TMEM175: variants seen among roughly 807,000 people sequenced by gnomAD.
The protein encoded by TMEM175 is endosomal/lysosomal proton channel TMEM175.
Under a neutral mutation model 36.5 loss-of-function variants are expected in TMEM175, and 36 were observed. The ratio of observed to expected loss-of-function variants is 0.99; its 90% CI spans 0.76 to 1.30. TMEM175 has a LOEUF of 1.30. Among genes scored for constraint, TMEM175 ranks in the 50% most tolerant of loss-of-function variants. The pLI is 0.00. For synonymous variants in TMEM175, 339 were observed against 313.4 expected (o/e 1.08, Z -0.86); for missense variants, 705 against 692.8 (o/e 1.02, Z -0.20).
rs892554619 is a variant in TMEM175 at position 939,816 on chromosome 4, A to G, written c.-32+7276A>G. 2.6e-5 allele frequency among the ~76,000 whole-genome samples: 4 copies of G among 152,242 alleles called. No individual in the cohort carries two copies. In the East Asian group the frequency reaches 7.7e-4, roughly 29 times the overall value. On this transcript the variant is annotated intron_variant, in intron 1 of 10. Coordinates refer to ENST00000264771, the MANE Select transcript of TMEM175 (RefSeq NM_032326.4). ...TGTGAGATCTAAAACTATAAAACTCATGGAAGAAAATGTGTGAAATGTTCT... is the reference window on the plus strand; with the variant it reads ...TGTGAGATCTAAAACTATAAAACTCGTGGAAGAAAATGTGTGAAATGTTCT...
intron 3 of TMEM175, among the ~76,000 whole-genome samples, chr4:949,240 G>A (rs1728567242): frequency 6.6e-6 from 1 of 152,230 alleles, no homozygotes; most frequent in Non-Finnish European, 1.5e-5. Context: ...GGCCCGGGTG[G>A]TTGAAAATAA....
At chr4:953,155 T>G (rs1012119432) in intron 7 of TMEM175, 35 bp from the exon 8 acceptor site, 39 of 1,566,464 alleles carry the variant, frequency 2.5e-5, no homozygotes, top group Non-Finnish European at 3.2e-5. Flanking sequence ...CCTCTGCTCT[T>G]GGGGCCTGTG....
chr4:942,732 C>T (rs1171752414), intron 1 of TMEM175, among the ~76,000 whole-genome samples: 1 of 151,924 alleles, frequency 6.6e-6, no homozygotes, highest in African/African-American at 2.4e-5. Context: ...CTTCGCCTCC[C>T]AGGTTCAAGC....
chr4:944,042 C>T (rs149419704), intron 1 of TMEM175, among the ~76,000 whole-genome samples: 62 of 152,306 alleles, frequency 4.1e-4, no homozygotes, highest in African/African-American at 1.3e-3. Context: ...CATGCAATCC[C>T]AGCATTTCGG....
chr4:954,686 TGTTTAATTTTTTAA>T (rs1729395754), intron 8 of TMEM175, among the ~76,000 whole-genome samples: 1 of 152,192 alleles, frequency 6.6e-6, no homozygotes, highest in African/African-American at 2.4e-5. Context: ...TTGGTGATTC[TGTTTAATTTTTTAA>T]GTTTAATTTT....
chr4:958,333 T>G lies in TMEM175; in HGVS notation c.1352T>G (p.Met451Arg). The change falls in exon 11 of 11, where the codon ATG becomes AGG. Residue 451 changes from methionine to arginine, a missense_variant. Coordinates refer to ENST00000264771, the MANE Select transcript of TMEM175 (RefSeq NM_032326.4). ...TTCAGTGTGGGCATCTTCCACCTCA[T>G]GCAGATCGCCGTGCCCTGCGCCTTC... Reference protein sequence around the residue: ...SRFSVGIFHLMQIAVPCAFLL... With the variant: ...SRFSVGIFHLRQIAVPCAFLL... 1 of 1,604,994 alleles carries G rather than the reference T, an allele frequency of 6.2e-7. No homozygotes were observed. Among genetic ancestry groups the G allele is most frequent in the Non-Finnish European group, 8.5e-7 (1 of 1,179,810 alleles).
At position 955,979 on chromosome 4, in the gene TMEM175, A is replaced by C. The variant is rs1729571432; in HGVS notation, c.842+89A>C. ...CTCATCCTGGAAACCCCAGAAAGGC[A>C]CAGGGGTCTTGGCTCCACCCTCCTC... On this transcript the variant is annotated intron_variant, in intron 10 of 10. Coordinates refer to ENST00000264771, the MANE Select transcript of TMEM175 (RefSeq NM_032326.4). 4 of 1,496,942 alleles carry C rather than the reference A, an allele frequency of 2.7e-6. No individual in the cohort carries two copies. In the Admixed American group the frequency reaches 7.1e-5, roughly 27 times the overall value. 92.7% of individuals were successfully genotyped at this position (1,496,942 alleles called of 1,614,324 possible).
At chr4:935,008 G>C (rs911158475) in intron 1 of TMEM175, among the ~76,000 whole-genome samples, 3 of 152,172 alleles carry the variant, frequency 2.0e-5, no homozygotes, top group African/African-American at 4.8e-5. Flanking sequence ...GGGGAAGTAG[G>C]AAACCCAAGA....
chr4:938,496 T>C (rs1727063949), intron 1 of TMEM175, among the ~76,000 whole-genome samples: 1 of 151,844 alleles, frequency 6.6e-6, no homozygotes, highest in African/African-American at 2.4e-5. Context: ...AGAGTGAGAC[T>C]CGGTCTCCAA....
intron 1 of TMEM175, among the ~76,000 whole-genome samples, chr4:938,849 A>T (rs2152996963): frequency 6.6e-6 from 1 of 152,368 alleles, no homozygotes; most frequent in East Asian, 1.9e-4. Context: ...TAAACCAGTC[A>T]AATTCCCAGC....
chr4:947,930 G>A (rs371616631), intron 2 of TMEM175, 38 bp downstream of exon 2: 86 of 1,613,372 alleles, frequency 5.3e-5, no homozygotes, highest in Non-Finnish European at 6.7e-5. Flanking sequence ...GCCCCACCCC[G>A]AGCCTCTCGA....
chr4:953,494 C>T lies in TMEM175; in HGVS notation c.627+140C>T, dbSNP rs1347335217. The T allele has an allele frequency of 6.5e-6, 7 of 1,080,860 alleles. No individual in the cohort carries two copies. The Admixed American group carries it at 2.2e-4, about 33-fold the overall frequency. The allele number at this position is 1,080,860 out of a possible 1,614,324, so 67.0% of individuals were successfully genotyped here. ...TCCACCCAGGGTCTTGTGTGTGAGG[C>T]CCAGGGCTGCAGTGAGTGGCACCAG... On this transcript the variant is annotated intron_variant, in intron 8 of 10. Transcript: ENST00000264771.
intron 10 of TMEM175, chr4:956,338 G>C (rs1577451381): frequency 7.8e-7 from 1 of 1,290,206 alleles, no homozygotes; most frequent in East Asian, 5.4e-5. Flanking sequence ...CCCTTTGGCT[G>C]GCTGTTGCTT....
rs971119467 is a variant in TMEM175, at chr4:955,536, C to T, written c.706+53C>T. On this transcript the variant is annotated intron_variant, in intron 9 of 10. Transcript: ENST00000264771. ...GAGAGGCCTGTAGTCCGCCCACCTCCGTGCGGCTGCTCCGCACTGAGGGCT... is the reference window on the plus strand; with the variant it reads ...GAGAGGCCTGTAGTCCGCCCACCTCTGTGCGGCTGCTCCGCACTGAGGGCT... The T allele has an allele frequency of 3.1e-5, 48 of 1,546,762 alleles. No individual in the cohort carries two copies. In the South Asian group the frequency reaches 3.3e-4, roughly 11 times the overall value.
chr4:941,228 T>C (rs1487817936), intron 1 of TMEM175, among the ~76,000 whole-genome samples: 1 of 149,696 alleles, frequency 6.7e-6, no homozygotes, highest in African/African-American at 2.4e-5. Flanking sequence ...ATACAAAAAT[T>C]AGCTGGGTGT....
At chr4:946,663 T>C (rs1255119531) in intron 1 of TMEM175, among the ~76,000 whole-genome samples, 1 of 152,176 alleles carries the variant, frequency 6.6e-6, no homozygotes, top group African/African-American at 2.4e-5. Flanking sequence ...GATGCATCTC[T>C]GATATTAAAA....
intron 8 of TMEM175, among the ~76,000 whole-genome samples, chr4:954,584 G>A (rs1285253433): frequency 2.0e-5 from 3 of 152,204 alleles, no homozygotes; most frequent in Non-Finnish European, 4.4e-5. Flanking sequence ...TTGCTGGAGT[G>A]ATGCCTCTCT....
At chr4:956,067 G>A (rs533634604) in intron 10 of TMEM175, 177 bp downstream of exon 10, 62 of 786,490 alleles carry the variant, frequency 7.9e-5, no homozygotes, top group African/African-American at 4.0e-4. Flanking sequence ...CAACCTTCCC[G>A]GCGGCCCCTC....
At chr4:946,381 C>T (rs547411316) in intron 1 of TMEM175, among the ~76,000 whole-genome samples, 87 of 152,344 alleles carry the variant, frequency 5.7e-4, no homozygotes, top group African/African-American at 2.0e-3. Context: ...TCTCAGTGTG[C>T]CCAGCCTCCA....
Sources: allele counts gnomAD v4.1 joint callset (sites outside exome capture counted in the v4.1 genomes callset), GRCh38; gene constraint gnomAD v4.1.1; transcripts MANE v1.5; gene names NCBI Gene and HGNC (gene_info 2026-07-23, HGNC 2026-07-21).